Variants in ZBTB20 observed in about 807,000 individuals in gnomAD.
ZBTB20 encodes zinc finger and BTB domain-containing protein 20.
A neutral mutation model predicts 56.9 loss-of-function variants in ZBTB20; 9 were observed. The ratio of observed to expected loss-of-function variants is 0.16; its 90% CI spans 0.10 to 0.28. The LOEUF is 0.28. Ranked by LOEUF, ZBTB20 falls within the 10% of genes least tolerant of loss-of-function variation. ZBTB20 has a pLI of 1.00. For missense variants in ZBTB20, 655 were observed against 1,003.0 expected (o/e 0.65, Z 4.69); for synonymous variants, 417 against 420.7 (o/e 0.99, Z 0.11).
At chr3:114,836,012 C>T (rs1048122724) in intron 4 of ZBTB20, among the ~76,000 whole-genome samples, 13 of 152,070 alleles carry the variant, frequency 8.5e-5, no homozygotes, top group African/African-American at 3.1e-4. Context: ...ATTCAAATGC[C>T]CCACTGCACT....
rs182922244 is a variant in ZBTB20 at position 115,053,047 on chromosome 3, G to C, written c.-507+18172C>G. Among the ~76,000 whole-genome samples, 4 of 152,266 alleles carry C rather than the reference G, an allele frequency of 2.6e-5. No homozygotes were observed. In the East Asian group the frequency reaches 5.8e-4, roughly 22 times the overall value. The stretch of plus-strand genomic sequence containing the variant: ...GACATCACTGCCTATAACTCTCTCT[G>C]TTGTGGTTTAGCCATTTTAGCTCCC... On this transcript the variant is annotated intron_variant, in intron 2 of 11. Transcript: ENST00000675478.
intron 4 of ZBTB20, among the ~76,000 whole-genome samples, chr3:114,875,784 C>T (rs2076169432): frequency 6.6e-6 from 1 of 152,158 alleles, no homozygotes; most frequent in Non-Finnish European, 1.5e-5. Context: ...AACACCAGTT[C>T]TGCTACCTCA....
chr3:114,811,096 C>A (rs936185176), intron 4 of ZBTB20, among the ~76,000 whole-genome samples: 7 of 152,160 alleles, frequency 4.6e-5, no homozygotes, highest in Non-Finnish European at 7.3e-5. Flanking sequence ...GCTGGACTAA[C>A]CTATTCTAAG....
At chr3:114,849,981 C>A (rs1370482940) in intron 4 of ZBTB20, among the ~76,000 whole-genome samples, 3 of 144,846 alleles carry the variant, frequency 2.1e-5, no homozygotes, top group African/African-American at 7.6e-5. Context: ...CTCACTGCAA[C>A]CTCCACCTCC....
At chr3:115,143,735 A>C (rs1193094862) in intron 1 of ZBTB20, among the ~76,000 whole-genome samples, 3 of 152,348 alleles carry the variant, frequency 2.0e-5, no homozygotes, top group South Asian at 4.1e-4. Flanking sequence ...AAAATCATGA[A>C]AAAAATCCCT....
intron 10 of ZBTB20, among the ~76,000 whole-genome samples, chr3:114,361,960 T>C (rs145832023): frequency 6.6e-6 from 1 of 152,282 alleles, no homozygotes; most frequent in East Asian, 1.9e-4. Flanking sequence ...CGAGGCTCAA[T>C]GGCATCTTTG....
chr3:114,447,749 T>C (rs2091355005), intron 7 of ZBTB20, among the ~76,000 whole-genome samples: 1 of 152,166 alleles, frequency 6.6e-6, no homozygotes, highest in Non-Finnish European at 1.5e-5. Context: ...AGTTAGATCA[T>C]AGTGTGTACC....
intron 6 of ZBTB20, among the ~76,000 whole-genome samples, chr3:114,680,052 A>T (rs1921492): frequency 6.6e-6 from 1 of 152,124 alleles, no homozygotes; most frequent in African/African-American, 2.4e-5. Flanking sequence ...ACCAAACACC[A>T]CATGTTCTCA....
In ZBTB20 at chr3:114,327,443, A is replaced by C. The variant is rs1308575670; in HGVS notation, c.*11562T>G. ...GATTACTTTAGATAAAGAGTACTTT[A>C]AGAAAAAAAAAATACCAGGAGTTAG... On this transcript the variant is annotated 3_prime_UTR_variant, in exon 12 of 12. Transcript: ENST00000675478. 6.6e-6 allele frequency: 1 copy of C among 152,188 alleles called. No individual in the cohort carries two copies. The highest frequency in any genetic ancestry group is 1.5e-5 in the Non-Finnish European group (1 of 68,026). 9.4% of individuals were successfully genotyped at this position (152,188 alleles called of 1,614,324 possible).
intron 1 of ZBTB20, among the ~76,000 whole-genome samples, chr3:115,126,079 T>C (rs1257791279): frequency 6.6e-6 from 1 of 152,078 alleles, no homozygotes; most frequent in Non-Finnish European, 1.5e-5. Flanking sequence ...AAAAGACACA[T>C]GTAGGAAAAC....
intron 2 of ZBTB20, among the ~76,000 whole-genome samples, chr3:115,039,198 T>C (rs1026246931): frequency 6.6e-6 from 1 of 152,012 alleles, no homozygotes. Context: ...AATACTGTGA[T>C]ACATGACCCA....
At chr3:114,520,124 T>C (rs146339609) in intron 6 of ZBTB20, 1 of 152,182 alleles carries the variant, frequency 6.6e-6, no homozygotes, top group African/African-American at 2.4e-5. Context: ...CTCTGCTTCC[T>C]TCCCTATGAA....
chr3:114,450,598 A>AAGT (rs2091545889), intron 7 of ZBTB20, among the ~76,000 whole-genome samples: 2 of 152,166 alleles, frequency 1.3e-5, no homozygotes, highest in African/African-American at 4.8e-5. Flanking sequence ...GGTTTAAAGA[A>AAGT]TGTAATGGTC....
chr3:114,614,086 A>C (rs186012411), intron 6 of ZBTB20, among the ~76,000 whole-genome samples: 2 of 152,312 alleles, frequency 1.3e-5, no homozygotes, highest in East Asian at 3.9e-4. Flanking sequence ...CGTAGTCTTC[A>C]CTCTTAACCA....
chr3:114,380,528 G>C, intron 9 of ZBTB20, 124 bp from the exon 10 acceptor site: 1 of 1,257,098 alleles, frequency 8.0e-7, no homozygotes, highest in East Asian at 2.6e-5. Context: ...AGTCCAGTAT[G>C]TCCCTTGTTT....
chr3:114,733,670 C>T (rs986590394), intron 5 of ZBTB20, among the ~76,000 whole-genome samples: 1 of 152,140 alleles, frequency 6.6e-6, no homozygotes, highest in Non-Finnish European at 1.5e-5. Flanking sequence ...AGAGAATTAA[C>T]TAGGTTGCTT....
rs879525395 is a variant in ZBTB20 at position 114,918,896 on chromosome 3, C to CTTA, written c.-455-18555_-455-18554insTAA. Among the ~76,000 whole-genome samples, 9 of 152,324 alleles carry CTTA rather than the reference C, an allele frequency of 5.9e-5. No individual in the cohort carries two copies. The East Asian group carries it at 1.5e-3, about 26-fold the overall frequency. On this transcript the variant is annotated intron_variant, in intron 3 of 11. Transcript: ENST00000675478. ...GGTGTCTCACTAGGTCATATGACCC[C>CTTA]TGCATCCACTGGCTCCAAGCCTAGC... is the stretch of plus-strand genomic sequence containing the variant.
In ZBTB20 at chr3:115,108,880, T is replaced by C. The variant is rs572022508; in HGVS notation, c.-702-37466A>G. Among the ~76,000 whole-genome samples the C allele has an allele frequency of 9.2e-5, 14 of 152,104 alleles. No individual in the cohort carries two copies. In the South Asian group the frequency reaches 2.9e-3, roughly 32 times the overall value. On this transcript the variant is annotated intron_variant, in intron 1 of 11. Transcript: ENST00000675478. ...CAATTGTAAAGGAGAAATATGACCA[T>C]GGGGAAAAGTGGCACGGAGTTTAGT... is the stretch of plus-strand genomic sequence containing the variant.
In ZBTB20 at chr3:114,787,366, T is replaced by TAC. The variant is rs1553821499; in HGVS notation, c.-343+13734_-343+13735insGT. Among the ~76,000 whole-genome samples, 73 of 82,904 alleles carry TAC rather than the reference T, an allele frequency of 8.8e-4. 1 individual carries two copies. Among genetic ancestry groups the TAC allele is most frequent in the African/African-American group, 3.4e-3 (65 of 19,014 alleles). 54.4% of individuals were successfully genotyped at this position (82,904 alleles called of 152,430 possible). A position where few individuals can be genotyped will look rare whatever the true frequency, so the allele number is the denominator to read the frequency against. On this transcript the variant is annotated intron_variant, in intron 5 of 11. Coordinates refer to ENST00000675478, the MANE Select transcript of ZBTB20 (RefSeq NM_001348800.3). ...ATATATATATATATATATATATATA[T>TAC]ATACACACACACACACACACACACA...
Sources: allele counts gnomAD v4.1 joint callset (sites outside exome capture counted in the v4.1 genomes callset), GRCh38; gene constraint gnomAD v4.1.1; transcripts MANE v1.5; gene names NCBI Gene and HGNC (gene_info 2026-07-23, HGNC 2026-07-21).